COL21A1: variants seen among roughly 807,000 people sequenced by gnomAD.
COL21A1 encodes the protein collagen alpha-1(XXI) chain.
In COL21A1, 149 loss-of-function variants were observed where a neutral mutation model predicts 137.9. The observed-to-expected ratio is 1.08, with a 90% CI of 0.95 to 1.24. The LOEUF is 1.24. Among genes scored for constraint, COL21A1 ranks in the 50% most tolerant of loss-of-function variants. The pLI is 0.00. For synonymous variants in COL21A1, 456 were observed against 391.5 expected (o/e 1.16, Z -1.95); for missense variants, 1,167 against 1,158.4 (o/e 1.01, Z -0.11).
At chr6:56,351,777 G>A (rs1264500955) in intron 1 of COL21A1, among the ~76,000 whole-genome samples, 2 of 152,180 alleles carry the variant, frequency 1.3e-5, no homozygotes, top group African/African-American at 2.4e-5. Flanking sequence ...GCCTAATGGG[G>A]CTGATTGCTT....
At chr6:56,249,516 G>T (rs183440207), upstream of COL21A1, among the ~76,000 whole-genome samples, 2 of 152,272 alleles carry the variant, frequency 1.3e-5, no homozygotes, top group Non-Finnish European at 2.9e-5. Context: ...CGCTACAATG[G>T]AATATTATTC....
chr6:56,133,336 C>T (rs1773720713), intron 12 of COL21A1, among the ~76,000 whole-genome samples: 1 of 152,064 alleles, frequency 6.6e-6, no homozygotes, highest in South Asian at 2.1e-4. Flanking sequence ...TTTTCCCCTG[C>T]CCTAAAGATT....
chr6:56,184,238 A>C (rs892649553), intron 1 of COL21A1, among the ~76,000 whole-genome samples: 5 of 152,188 alleles, frequency 3.3e-5, no homozygotes, highest in Admixed American at 2.6e-4. Context: ...CATCATATTC[A>C]ATCAACTGAA....
chr6:56,074,104 AT>A (rs1252482159), intron 20 of COL21A1, 127 bp downstream of exon 20: 27 of 595,762 alleles, frequency 4.5e-5, no homozygotes, highest in Admixed American at 1.5e-4. Context: ...CTTACAAGTG[AT>A]TTTTTTTCAT....
At position 56,156,960 on chromosome 6, in the gene COL21A1, A is replaced by G. The variant is rs748696612; in HGVS notation, c.1372-11T>C. The stretch of plus-strand genomic sequence containing the variant: ...CAGTCCAGGGTCACCCTAAGCAGGA[A>G]GCAAACAAACTTTTGAGTACAAAAC... On this transcript the variant is annotated splice_polypyrimidine_tract_variant and intron_variant, in intron 9 of 29. Coordinates refer to ENST00000244728, the MANE Select transcript of COL21A1 (RefSeq NM_030820.4). 6.2e-6 allele frequency: 10 copies of G among 1,607,208 alleles called. No individual in the cohort carries two copies. The highest frequency in any genetic ancestry group is 8.5e-6 in the Non-Finnish European group (10 of 1,176,446).
intron 3 of COL21A1, among the ~76,000 whole-genome samples, chr6:56,178,828 T>C (rs2152279760): frequency 6.6e-6 from 1 of 152,222 alleles, no homozygotes; most frequent in South Asian, 2.1e-4. Context: ...AAATGTTCTG[T>C]GAAAGGGAAG....
intron 17 of COL21A1, among the ~76,000 whole-genome samples, chr6:56,088,939 C>A (rs1768526409): frequency 1.3e-5 from 2 of 152,028 alleles, no homozygotes; most frequent in Non-Finnish European, 2.9e-5. Context: ...CACACATCAC[C>A]ACATCTGGCT....
intron 5 of COL21A1, among the ~76,000 whole-genome samples, chr6:56,169,951 T>C (rs1281819814): frequency 1.3e-5 from 2 of 151,960 alleles, no homozygotes; most frequent in African/African-American, 4.8e-5. Context: ...AGAAATTGCA[T>C]ACTTTATATA....
chr6:56,326,715 G>C (rs763958523), intron 1 of COL21A1, among the ~76,000 whole-genome samples: 3 of 151,976 alleles, frequency 2.0e-5, no homozygotes, highest in Non-Finnish European at 4.4e-5. Flanking sequence ...TGACCATTTT[G>C]ATTAGGTTAG....
intron 1 of COL21A1, among the ~76,000 whole-genome samples, chr6:56,364,476 G>T (rs1322407986): frequency 2.0e-5 from 3 of 152,186 alleles, no homozygotes; most frequent in Non-Finnish European, 4.4e-5. Context: ...AGAGAGGATT[G>T]TGTGCTAGAC....
chr6:56,178,435 T>C (rs1430905252), intron 3 of COL21A1, among the ~76,000 whole-genome samples: 3 of 152,096 alleles, frequency 2.0e-5, no homozygotes, highest in African/African-American at 4.8e-5. Flanking sequence ...ATATGAAAAT[T>C]TAAAAAGTTT....
intron 1 of COL21A1, among the ~76,000 whole-genome samples, chr6:56,276,259 T>G (rs1434779685): frequency 2.6e-5 from 4 of 152,098 alleles, no homozygotes; most frequent in Admixed American, 6.6e-5. Context: ...AAACTGTCTA[T>G]TGGGTACTAT....
intron 1 of COL21A1, among the ~76,000 whole-genome samples, chr6:56,334,028 T>TATGATAGTATGGAATTTCAGTA (rs59592166): frequency 6.6e-6 from 1 of 151,524 alleles, no homozygotes; most frequent in African/African-American, 2.4e-5. Flanking sequence ...ATGCTTTGCA[T>TATGATAGTATGGAATTTCAGTA]ATGACAGTAT....
At chr6:56,265,436 G>T (rs191111059) in intron 1 of COL21A1, among the ~76,000 whole-genome samples, 294 of 152,328 alleles carry the variant, frequency 1.9e-3, no homozygotes, top group African/African-American at 6.8e-3. Context: ...GCCAACTAAG[G>T]AGACAACTGT....
intron 1 of COL21A1, among the ~76,000 whole-genome samples, chr6:56,385,782 T>C (rs1231988929): frequency 6.6e-6 from 1 of 152,146 alleles, no homozygotes; most frequent in Non-Finnish European, 1.5e-5. Flanking sequence ...AATTTACCTA[T>C]TCTGAATATT....
At chr6:56,307,306 G>C (rs1033969342) in intron 1 of COL21A1, among the ~76,000 whole-genome samples, 2 of 152,214 alleles carry the variant, frequency 1.3e-5, no homozygotes, top group Non-Finnish European at 2.9e-5. Context: ...GTTTGGCAAT[G>C]TCCTGCCCCC....
Position 56,187,054 on chromosome 6 carries a change from G to A in COL21A1, c.-38-4398C>T, listed in dbSNP as rs149386624. On this transcript the variant is annotated intron_variant, in intron 1 of 29. Transcript: ENST00000244728. ...GTTATAACTCAATACCTGAGATGGA[G>A]TAATTTATAAAGAAAATACATTTAT... Among the ~76,000 whole-genome samples the A allele has an allele frequency of 1.7e-3, 260 of 152,314 alleles. 2 individuals are homozygous for A. The highest frequency in any genetic ancestry group is 6.0e-3 in the African/African-American group (249 of 41,560).
chr6:56,359,588 C>T (rs1018658496), intron 1 of COL21A1, among the ~76,000 whole-genome samples: 6 of 151,598 alleles, frequency 4.0e-5, no homozygotes, highest in Admixed American at 3.9e-4. Flanking sequence ...AATCGGACAT[C>T]TGTTATTGAT....
chr6:56,164,894 G>T, intron 7 of COL21A1, 72 bp from the exon 8 acceptor site: 1 of 1,139,706 alleles, frequency 8.8e-7, no homozygotes, highest in South Asian at 1.6e-5. Context: ...CTAATTTACA[G>T]ATATTTCACC....
Sources: allele counts gnomAD v4.1 joint callset (sites outside exome capture counted in the v4.1 genomes callset), GRCh38; gene constraint gnomAD v4.1.1; transcripts MANE v1.5; gene names NCBI Gene and HGNC (gene_info 2026-07-23, HGNC 2026-07-21).